The following MGRN1 variants were observed in gnomAD, a reference collection of about 807,000 sequenced individuals.
MGRN1 encodes E3 ubiquitin-protein ligase MGRN1.
A neutral mutation model predicts 69.2 loss-of-function variants in MGRN1; 29 were observed. The observed-to-expected ratio is 0.42, with a 90% CI of 0.31 to 0.57. MGRN1 has a LOEUF of 0.57. Ranked by LOEUF, MGRN1 falls within the 20% of genes least tolerant of loss-of-function variation. The pLI is 0.15. For synonymous variants in MGRN1, 470 were observed against 344.2 expected (o/e 1.37, Z -4.04); for missense variants, 998 against 796.2 (o/e 1.25, Z -3.05).
chr16:4,671,523 C>T, intron 9 of MGRN1, 64 bp downstream of exon 9: 3 of 1,487,284 alleles, frequency 2.0e-6, no homozygotes, highest in Non-Finnish European at 2.8e-6. Flanking sequence ...CAGCCGCGGA[C>T]AGCAATGCTT....
chr16:4,646,101 C>T (rs1954243399), intron 1 of MGRN1, among the ~76,000 whole-genome samples: 1 of 150,944 alleles, frequency 6.6e-6, no homozygotes, highest in African/African-American at 2.5e-5. Context: ...TTGGGAGCGG[C>T]TCCGTCGGGG....
At chr16:4,686,754 A>T (rs751373667) in intron 16 of MGRN1, 25 of 999,454 alleles carry the variant, frequency 2.5e-5, no homozygotes, top group Non-Finnish European at 3.0e-5. Flanking sequence ...CTTGTTCCGG[A>T]TGGTCCCACC....
chr16:4,637,702 C>T (rs903228662), intron 1 of MGRN1, among the ~76,000 whole-genome samples: 2 of 152,220 alleles, frequency 1.3e-5, no homozygotes, highest in African/African-American at 2.4e-5. Flanking sequence ...TGCAGAGCGC[C>T]CCAGCTGCTC....
In MGRN1 at chr16:4,676,102, C is replaced by A. The variant is rs73521421; in HGVS notation, c.956-1361C>A. ...CGTGGGGCTGTGCGAGGATGCTGGT[C>A]TGTGCAGTCAGGCCATGGGGTCACT... On this transcript the variant is annotated intron_variant, in intron 10 of 16. Transcript: ENST00000262370. Among the ~76,000 whole-genome samples the A allele has an allele frequency of 6.7e-3, 1,014 of 152,348 alleles. 9 individuals carry two copies. The highest frequency in any genetic ancestry group is 0.024 in the African/African-American group (988 of 41,576).
intron 1 of MGRN1, among the ~76,000 whole-genome samples, chr16:4,641,215 A>T (rs1474526753): frequency 1.3e-5 from 2 of 152,324 alleles, no homozygotes; most frequent in African/African-American, 4.8e-5. Context: ...TCTTGAGGCA[A>T]AGGAAAGGGC....
At position 4,689,028 on chromosome 16, in the gene MGRN1, G is replaced by A. The variant is rs556153341; in HGVS notation, c.*120G>A. The A allele has an allele frequency of 1.4e-4, 186 of 1,337,038 alleles. 2 individuals are homozygous for A. In the South Asian group the frequency reaches 1.9e-3, roughly 14 times the overall value. 82.8% of individuals were successfully genotyped at this position (1,337,038 alleles called of 1,614,324 possible). On this transcript the variant is annotated 3_prime_UTR_variant, in exon 17 of 17. Transcript: ENST00000262370. ...ATGCCCCCTGTGGCCACCAGGCTCC[G>A]AGGGGCCGTGGTGACTCTTGATCAA... is the stretch of plus-strand genomic sequence containing the variant.
chr16:4,689,125 A>C lies in MGRN1; in HGVS notation c.*217A>C. ...ATATATTTGTAACTGGTACAAGATG[A>C]AGGACAGCAGCTTTCCATCCCTAGT... On this transcript the variant is annotated 3_prime_UTR_variant, in exon 17 of 17. Transcript: ENST00000262370. 1.7e-6 allele frequency: 1 copy of C among 598,332 alleles called. No homozygotes were observed. Among genetic ancestry groups the C allele is most frequent in the Non-Finnish European group, 2.6e-6 (1 of 377,744 alleles). 37.1% of individuals were successfully genotyped at this position (598,332 alleles called of 1,614,324 possible).
rs553509667 is a variant in MGRN1, at chr16:4,656,649, G to A, written c.444-597G>A. 8.5e-5 allele frequency among the ~76,000 whole-genome samples: 13 copies of A among 152,306 alleles called. No individual in the cohort carries two copies. In the South Asian group the frequency reaches 2.7e-3, roughly 32 times the overall value. Reference sequence around the variant, plus strand: ...TAATCCCAGCACTTTGGGAGGCTGAGGCAGGTGCATCACTTGAGGTCAGGA... The same window carrying A: ...TAATCCCAGCACTTTGGGAGGCTGAAGCAGGTGCATCACTTGAGGTCAGGA... On this transcript the variant is annotated intron_variant, in intron 4 of 16. Coordinates refer to ENST00000262370, the MANE Select transcript of MGRN1 (RefSeq NM_015246.4).
chr16:4,686,224 C>A, intron 16 of MGRN1: 4 of 1,539,102 alleles, frequency 2.6e-6, no homozygotes, highest in Non-Finnish European at 1.7e-6. Flanking sequence ...GCTTGCTAAC[C>A]GAGCTTCCGT....
At position 4,670,789 on chromosome 16, in the gene MGRN1, C is replaced by T. The variant is rs141605103; in HGVS notation, c.727-602C>T. 3.0e-3 allele frequency among the ~76,000 whole-genome samples: 457 copies of T among 152,374 alleles called. 5 individuals carry two copies. Among genetic ancestry groups the T allele is most frequent in the African/African-American group, 0.011 (446 of 41,592 alleles). On this transcript the variant is annotated intron_variant, in intron 8 of 16. Transcript: ENST00000262370. ...GGGAACAGGAGACCCCAGTGATGGTCAGGGCCTTGTGTTGAGAGAGCTGAC... is the reference window on the plus strand; with the variant it reads ...GGGAACAGGAGACCCCAGTGATGGTTAGGGCCTTGTGTTGAGAGAGCTGAC...
intron 12 of MGRN1, 104 bp from the exon 13 acceptor site, chr16:4,681,446 C>T: frequency 6.2e-6 from 7 of 1,123,064 alleles, no homozygotes; most frequent in Non-Finnish European, 8.8e-6. Flanking sequence ...GTGGGGGAGT[C>T]TCAATCCCCC....
At chr16:4,673,136 C>G (rs1218513166) in intron 9 of MGRN1, among the ~76,000 whole-genome samples, 1 of 152,166 alleles carries the variant, frequency 6.6e-6, no homozygotes, top group Admixed American at 6.5e-5. Context: ...CCGCGCCTGA[C>G]CATTAACTTG....
Position 4,630,296 on chromosome 16 carries a change from A to C in MGRN1, c.88+5248A>C, listed in dbSNP as rs1897932823. Among the ~76,000 whole-genome samples, 2 of 149,986 alleles carry C rather than the reference A, an allele frequency of 1.3e-5. 1 individual carries two copies. The highest frequency in any genetic ancestry group is 6.8e-3 in the Middle Eastern group (2 of 292). On this transcript the variant is annotated intron_variant, in intron 1 of 16. Coordinates refer to ENST00000262370, the MANE Select transcript of MGRN1 (RefSeq NM_015246.4). ...GAACCCGGAGCGCGGCAGAGGTTGC[A>C]GTGAGCCGAGATTATGCCACTGCAC...
chr16:4,628,402 A>T (rs1897809600), intron 1 of MGRN1, among the ~76,000 whole-genome samples: 1 of 151,170 alleles, frequency 6.6e-6, no homozygotes, highest in Non-Finnish European at 1.5e-5. Flanking sequence ...AAAAAAAAAA[A>T]AGGAGGGGAC....
chr16:4,666,578 C>T (rs1049574047), intron 7 of MGRN1, among the ~76,000 whole-genome samples: 1 of 152,200 alleles, frequency 6.6e-6, no homozygotes, highest in Admixed American at 6.5e-5. Flanking sequence ...TGCCTTCGCC[C>T]TGGGGTGTGC....
chr16:4,687,685 G>A (rs1024526704), intron 16 of MGRN1: 1 of 985,358 alleles, frequency 1.0e-6, no homozygotes, highest in Non-Finnish European at 1.2e-6. Context: ...TGCCTTCCCA[G>A]AGGGTCTTGG....
At chr16:4,657,436 A>C in intron 5 of MGRN1, 73 bp downstream of exon 5, 4 of 1,412,582 alleles carry the variant, frequency 2.8e-6, no homozygotes, top group Non-Finnish European at 4.0e-6. Flanking sequence ...GGGCCAGCAC[A>C]GTGGGGTCTG....
intron 1 of MGRN1, among the ~76,000 whole-genome samples, chr16:4,637,211 C>T (rs1350441111): frequency 6.6e-6 from 1 of 151,772 alleles, no homozygotes; most frequent in Admixed American, 6.6e-5. Context: ...GGGCAGATCA[C>T]CTCAGGTCAG....
At chr16:4,650,039 A>C (rs1005555503) in intron 1 of MGRN1, 1 of 203,688 alleles carries the variant, frequency 4.9e-6, no homozygotes, top group African/African-American at 2.4e-5. Context: ...GCCGTGGCTC[A>C]TACCTGTAAT....
Sources: allele counts gnomAD v4.1 joint callset (sites outside exome capture counted in the v4.1 genomes callset), GRCh38; gene constraint gnomAD v4.1.1; transcripts MANE v1.5; gene names NCBI Gene and HGNC (gene_info 2026-07-23, HGNC 2026-07-21).